Variants in SMIM36 observed in about 807,000 individuals in gnomAD.
SMIM36 encodes the protein small integral membrane protein 36.
chr17:55,498,558 C>T (rs1598456321), intron 1 of SMIM36, among the ~76,000 whole-genome samples: 1 of 151,378 alleles, frequency 6.6e-6, no homozygotes, highest in East Asian at 1.9e-4. Context: ...TGATTCTAAA[C>T]CTTGACCATC....
chr17:55,518,099 A>G, the SMIM36 span, among the ~76,000 whole-genome samples: 1 of 152,236 alleles, frequency 6.6e-6, no homozygotes, highest in South Asian at 2.1e-4. Context: ...CTTGGCTTAC[A>G]GTTCTGGAAA....
chr17:55,483,257 A>G (rs1469157420), intron 1 of SMIM36, among the ~76,000 whole-genome samples: 1 of 152,198 alleles, frequency 6.6e-6, no homozygotes, highest in East Asian at 1.9e-4. Flanking sequence ...TCTCCCACAT[A>G]TGAACACTCA....
At chr17:55,490,222 C>T (rs896968984) in intron 1 of SMIM36, among the ~76,000 whole-genome samples, 11 of 152,084 alleles carry the variant, frequency 7.2e-5, no homozygotes, top group Non-Finnish European at 1.6e-4. Context: ...TCATCAAAAG[C>T]ATCTAAAGTA....
intron 1 of SMIM36, among the ~76,000 whole-genome samples, chr17:55,498,999 C>CAAAAAAAA (rs60117513): frequency 7.5e-5 from 5 of 67,040 alleles, no homozygotes; most frequent in Admixed American, 6.3e-4. Flanking sequence ...ACTCTGTCAC[C>CAAAAAAAA]AAAAAAAAAA....
intron 1 of SMIM36, among the ~76,000 whole-genome samples, chr17:55,483,518 G>A (rs569134832): frequency 3.3e-5 from 5 of 152,274 alleles, no homozygotes; most frequent in Middle Eastern, 3.4e-3. Flanking sequence ...CTAGTCAGTC[G>A]AAAAGCTTAA....
At chr17:55,501,166 ATCTTATATATTATAATATATAATATATC>A (rs1909939755) in intron 1 of SMIM36, among the ~76,000 whole-genome samples, 16 of 57,068 alleles carry the variant, frequency 2.8e-4, no homozygotes, top group Admixed American at 5.9e-4. Context: ...TATATAATAT[ATCTTATATATTATAATATATAATATATC>A]TTATATATTA....
intron 1 of SMIM36, among the ~76,000 whole-genome samples, chr17:55,494,681 A>AAC (rs200446563): frequency 6.6e-6 from 1 of 152,016 alleles, no homozygotes; most frequent in Non-Finnish European, 1.5e-5. Flanking sequence ...ATTTTGTTTG[A>AAC]ACACACACAC....
intron 1 of SMIM36, among the ~76,000 whole-genome samples, chr17:55,492,746 A>AT (rs1183064085): frequency 6.6e-6 from 1 of 152,216 alleles, no homozygotes; most frequent in Non-Finnish European, 1.5e-5. Context: ...ATAAAAGGCA[A>AT]TGTTCTACTA....
the SMIM36 span, among the ~76,000 whole-genome samples, chr17:55,518,040 A>G: frequency 0.48 from 73,085 of 151,858 alleles, 17,825 homozygotes; most frequent in Non-Finnish European, 0.51. Flanking sequence ...AGAAGTATGT[A>G]TCTTAGTCCA....
exon 5 of SMIM36, chr17:55,450,061 C>T (rs1295831475): frequency 1.3e-5 from 2 of 152,104 alleles, no homozygotes; most frequent in African/African-American, 2.4e-5. Flanking sequence ...GGAGTTTTTC[C>T]TGGAGTACCC....
At chr17:55,492,234 CTTTCTTTCTTTTTTTTTTTT>C (rs1366034222) in intron 1 of SMIM36, among the ~76,000 whole-genome samples, 6 of 88,100 alleles carry the variant, frequency 6.8e-5, no homozygotes, top group African/African-American at 4.6e-4. Context: ...CTTTTCTTTT[CTTTCTTTCTTTTTTTTTTTT>C]TTTTTTTGAG....
the SMIM36 span, chr17:55,527,324 C>T: frequency 6.6e-6 from 1 of 152,092 alleles, no homozygotes; most frequent in Non-Finnish European, 1.5e-5. Flanking sequence ...CCTCAGAGTC[C>T]TTAACTTCTG....
chr17:55,496,996 T>C (rs371427840), intron 1 of SMIM36, among the ~76,000 whole-genome samples: 1 of 152,212 alleles, frequency 6.6e-6, no homozygotes, highest in African/African-American at 2.4e-5. Context: ...TGGCATTCAC[T>C]AAGTGGCTTT....
At chr17:55,470,002 C>A (rs112483418) in intron 3 of SMIM36, among the ~76,000 whole-genome samples, 4 of 151,978 alleles carry the variant, frequency 2.6e-5, no homozygotes, top group Admixed American at 6.5e-5. Flanking sequence ...CAAAAAAAAA[C>A]CACAACTTCA....
chr17:55,473,610 T>G (rs1249702361), intron 3 of SMIM36, among the ~76,000 whole-genome samples: 1 of 152,098 alleles, frequency 6.6e-6, no homozygotes, highest in Non-Finnish European at 1.5e-5. Context: ...TAGAACAGAC[T>G]AATGGTCTTT....
chr17:55,523,720 T>A, the SMIM36 span, among the ~76,000 whole-genome samples: 2 of 152,140 alleles, frequency 1.3e-5, no homozygotes, highest in Admixed American at 1.3e-4. Context: ...GTTATGGCAG[T>A]CTCGGCCGAC....
chr17:55,481,110 CTTTA>C (rs1171844832), intron 1 of SMIM36, among the ~76,000 whole-genome samples: 1 of 144,468 alleles, frequency 6.9e-6, no homozygotes, highest in African/African-American at 2.8e-5. Context: ...CTCTCTCTCT[CTTTA>C]TCTCTCTCTC....
intron 1 of SMIM36, among the ~76,000 whole-genome samples, chr17:55,492,990 C>T (rs190799324): frequency 1.1e-4 from 17 of 152,292 alleles, no homozygotes; most frequent in African/African-American, 3.8e-4. Context: ...GAATCACCAA[C>T]GCGGGGACAG....
chr17:55,515,083 AG>A (rs1910245659), upstream of SMIM36, among the ~76,000 whole-genome samples: 9 of 55,870 alleles, frequency 1.6e-4, no homozygotes, highest in Non-Finnish European at 2.4e-4. Flanking sequence ...ATTCTAGTCT[AG>A]TGTTTTTTTT....
Sources: gnomAD v4.1 joint callset for allele counts (sites outside exome capture counted in the v4.1 genomes callset) on GRCh38, gnomAD v4.1.1 for gene constraint, MANE v1.5 for transcripts, NCBI Gene and HGNC (gene_info 2026-07-23, HGNC 2026-07-21) for gene names.